The following TMPRSS15 variants were observed in gnomAD, a reference collection of about 807,000 sequenced individuals.
TMPRSS15 encodes the protein transmembrane serine protease 15, also known as enteropeptidase.
Under a neutral mutation model 125.3 loss-of-function variants are expected in TMPRSS15, and 128 were observed. That is an observed-to-expected ratio of 1.02 (90% confidence interval 0.89 to 1.18). TMPRSS15 has a LOEUF of 1.18. Among genes scored for constraint, TMPRSS15 ranks in the 50% most tolerant of loss-of-function variants. The probability of loss-of-function intolerance (pLI) is 0.00; values close to 1 mark genes in which losing one functional copy is unlikely to be tolerated. For missense variants in TMPRSS15, 1,283 were observed against 1,212.7 expected, an observed-to-expected ratio of 1.06 and a Z score of -0.86; for synonymous variants, 446 against 423.2, an observed-to-expected ratio of 1.05 and a Z score of -0.66.
intron 1 of TMPRSS15, among the ~76,000 whole-genome samples, chr21:18,470,502 C>T (rs1474451666): frequency 1.3e-5 from 2 of 152,012 alleles, no homozygotes; most frequent in African/African-American, 4.8e-5. Context: ...TGAGTTATTT[C>T]TCCCTCTGAT....
At chr21:18,412,632 G>A (rs557670716) in intron 1 of TMPRSS15, among the ~76,000 whole-genome samples, 2 of 152,164 alleles carry the variant, frequency 1.3e-5, no homozygotes, top group Admixed American at 6.5e-5. Flanking sequence ...TGTCAGTTTC[G>A]AGAACAAAGT....
intron 1 of TMPRSS15, among the ~76,000 whole-genome samples, chr21:18,484,434 C>T (rs977333298): frequency 1.5e-4 from 23 of 151,836 alleles, no homozygotes; most frequent in African/African-American, 5.1e-4. Flanking sequence ...AGGATTTAAT[C>T]AGACTATTTC....
At position 18,375,796 on chromosome 21, in the gene TMPRSS15, A is replaced by C. The variant is rs10084570; in HGVS notation, c.533-3472T>G. The stretch of plus-strand genomic sequence containing the variant: ...AAGATGATTATTTCAGAGTGATCCA[A>C]TGTCCAAAAAATTTCCAGTGATTTG... On this transcript the variant is annotated intron_variant, in intron 5 of 24. Coordinates refer to ENST00000284885, the MANE Select transcript of TMPRSS15 (RefSeq NM_002772.3). Among the ~76,000 whole-genome samples the C allele has an allele frequency of 5.6e-3, 851 of 152,322 alleles. 10 individuals carry two copies. Among genetic ancestry groups the C allele is most frequent in the African/African-American group, 0.02 (825 of 41,568 alleles).
intron 24 of TMPRSS15, among the ~76,000 whole-genome samples, chr21:18,274,014 C>A (rs895788410): frequency 6.6e-6 from 1 of 152,176 alleles, no homozygotes; most frequent in Non-Finnish European, 1.5e-5. Context: ...TACACTTTAA[C>A]ACAGTGAAAC....
chr21:18,462,039 C>T (rs2122952938), intron 1 of TMPRSS15, among the ~76,000 whole-genome samples: 1 of 152,184 alleles, frequency 6.6e-6, no homozygotes, highest in Admixed American at 6.5e-5. Context: ...CTTCAATTTA[C>T]CCTTCCTAAT....
chr21:18,454,125 A>G (rs148383410), intron 1 of TMPRSS15, among the ~76,000 whole-genome samples: 36 of 152,334 alleles, frequency 2.4e-4, no homozygotes, highest in Non-Finnish European at 4.7e-4. Flanking sequence ...ACAATATCAT[A>G]TAAGAAACTC....
chr21:18,432,472 C>G (rs1016613912), intron 1 of TMPRSS15, among the ~76,000 whole-genome samples: 7 of 152,052 alleles, frequency 4.6e-5, no homozygotes, highest in Admixed American at 2.0e-4. Flanking sequence ...GCAGATGTAA[C>G]TAGTGAAATT....
At chr21:18,312,855 T>A (rs2075115727) in intron 18 of TMPRSS15, 90 bp downstream of exon 18, 1 of 1,510,528 alleles carries the variant, frequency 6.6e-7, no homozygotes, top group East Asian at 2.4e-5. Flanking sequence ...TTCATAACTT[T>A]ATAAATTTTA....
chr21:18,385,103 T>A (rs907606243), intron 3 of TMPRSS15, among the ~76,000 whole-genome samples: 6 of 152,164 alleles, frequency 3.9e-5, no homozygotes, highest in African/African-American at 1.4e-4. Flanking sequence ...ATATAATATT[T>A]TTATAATTCA....
At chr21:18,315,458 T>C (rs1352810261) in intron 16 of TMPRSS15, among the ~76,000 whole-genome samples, 1 of 125,008 alleles carries the variant, frequency 8.0e-6, no homozygotes, top group Admixed American at 8.9e-5. Flanking sequence ...AACCTGCACG[T>C]TGTGCACATG....
At chr21:18,454,977 C>A (rs1476269667) in intron 1 of TMPRSS15, among the ~76,000 whole-genome samples, 1 of 152,070 alleles carries the variant, frequency 6.6e-6, no homozygotes, top group African/African-American at 2.4e-5. Context: ...ATTGTGGGTC[C>A]CATAATCCCC....
chr21:18,281,328 C>G, intron 21 of TMPRSS15, 107 bp from the exon 22 acceptor site: 1 of 969,746 alleles, frequency 1.0e-6, no homozygotes, highest in African/African-American at 1.6e-5. Context: ...CTGAAATGTT[C>G]TTTAATTTCT....
At chr21:18,342,242 T>C (rs1403519886) in intron 12 of TMPRSS15, among the ~76,000 whole-genome samples, 1 of 152,212 alleles carries the variant, frequency 6.6e-6, no homozygotes, top group Admixed American at 6.5e-5. Context: ...AAGACATAAA[T>C]TGAATGTCTG....
At chr21:18,310,225 AAG>A (rs2075084925) in intron 18 of TMPRSS15, among the ~76,000 whole-genome samples, 1 of 152,134 alleles carries the variant, frequency 6.6e-6, no homozygotes, top group Non-Finnish European at 1.5e-5. Flanking sequence ...AATTAGAATA[AAG>A]AGAGAAATAA....
chr21:18,348,789 C>A (rs1338071142), intron 10 of TMPRSS15, among the ~76,000 whole-genome samples: 1 of 152,112 alleles, frequency 6.6e-6, no homozygotes, highest in Non-Finnish European at 1.5e-5. Context: ...AGTACCACAG[C>A]CAATGTATGT....
At chr21:18,358,556 A>T (rs1405645924) in intron 8 of TMPRSS15, among the ~76,000 whole-genome samples, 1 of 151,874 alleles carries the variant, frequency 6.6e-6, no homozygotes, top group East Asian at 1.9e-4. Context: ...GTGACTTACC[A>T]TGAGTTCACA....
intron 1 of TMPRSS15, among the ~76,000 whole-genome samples, chr21:18,413,831 G>A (rs1294852688): frequency 1.3e-5 from 2 of 151,744 alleles, no homozygotes; most frequent in South Asian, 2.1e-4. Context: ...GGGCCCAAGC[G>A]ATCCTCCCAC....
intron 1 of TMPRSS15, among the ~76,000 whole-genome samples, chr21:18,484,703 A>G (rs1979045972): frequency 6.6e-6 from 1 of 151,812 alleles, no homozygotes; most frequent in South Asian, 2.1e-4. Context: ...TAAAGAATTC[A>G]TTGTCATAAA....
chr21:18,421,484 T>C (rs995348014), intron 1 of TMPRSS15, among the ~76,000 whole-genome samples: 31 of 152,326 alleles, frequency 2.0e-4, no homozygotes, highest in African/African-American at 7.0e-4. Context: ...GAAAAGTTAT[T>C]TGAGACCAGA....
Sources: allele counts gnomAD v4.1 joint callset (sites outside exome capture counted in the v4.1 genomes callset), GRCh38; gene constraint gnomAD v4.1.1; transcripts MANE v1.5; gene names NCBI Gene and HGNC (gene_info 2026-07-23, HGNC 2026-07-21).